Variants in NTRK2 observed in about 807,000 individuals in gnomAD.
The protein encoded by NTRK2 is BDNF/NT-3 growth factors receptor.
Under a neutral mutation model 94.5 loss-of-function variants are expected in NTRK2, and 13 were observed. The ratio of observed to expected loss-of-function variants is 0.14; its 90% CI spans 0.09 to 0.22. The LOEUF (loss-of-function observed/expected upper bound fraction) is 0.22. NTRK2 is among the 10% of genes least tolerant of loss of function. NTRK2 has a pLI of 1.00. For synonymous variants in NTRK2, 372 were observed against 407.4 expected (o/e 0.91, Z 1.05); for missense variants, 639 against 1,071.2 (o/e 0.60, Z 5.63).
chr9:84,690,356 G>C (rs1293296139), intron 2 of NTRK2, among the ~76,000 whole-genome samples: 2 of 152,158 alleles, frequency 1.3e-5, no homozygotes, highest in African/African-American at 4.8e-5. Context: ...GAAATGATTT[G>C]TCCTGACTGG....
chr9:84,755,525 C>CTTTTTTTTTTT lies in NTRK2; in HGVS notation c.1396+3458_1396+3468dup, dbSNP rs745611460. Among the ~76,000 whole-genome samples, 26 of 60,656 alleles carry CTTTTTTTTTTT rather than the reference C, an allele frequency of 4.3e-4. 1 individual carries two copies. The highest frequency in any genetic ancestry group is 1.4e-3 in the African/African-American group (20 of 14,376). The allele number at this position is 60,656 out of a possible 152,430, so 39.8% of individuals were successfully genotyped here. A position where few individuals can be genotyped will look rare whatever the true frequency, so the allele number is the denominator to read the frequency against. On this transcript the variant is annotated intron_variant, in intron 12 of 18. Transcript: ENST00000277120. ...TTCTAAAAGAGACAAAGTCCCACCT[C>CTTTTTTTTTTT]TTTTTTTTTTTTTTTTTTTTTTTTT...
intron 2 of NTRK2, among the ~76,000 whole-genome samples, chr9:84,688,850 A>G (rs1025813529): frequency 4.6e-5 from 7 of 152,192 alleles, no homozygotes; most frequent in Admixed American, 2.0e-4. Flanking sequence ...TGATAGATTA[A>G]TTTTCCATTT....
At chr9:84,878,055 G>A (rs1487458539) in intron 14 of NTRK2, among the ~76,000 whole-genome samples, 1 of 152,166 alleles carries the variant, frequency 6.6e-6, no homozygotes, top group African/African-American at 2.4e-5. Context: ...GCCTCTCTGG[G>A]TTTTCTCGAA....
intron 12 of NTRK2, among the ~76,000 whole-genome samples, chr9:84,775,877 T>G (rs1359404846): frequency 6.6e-6 from 1 of 152,194 alleles, no homozygotes; most frequent in African/African-American, 2.4e-5. Flanking sequence ...TTAATGAAAT[T>G]CTCAGGTGAT....
intron 15 of NTRK2, among the ~76,000 whole-genome samples, chr9:84,940,789 C>T (rs2078382440): frequency 6.6e-6 from 1 of 151,404 alleles, no homozygotes; most frequent in South Asian, 2.1e-4. Context: ...GACTCAAGTG[C>T]TCTACCCAGG....
chr9:85,006,292 G>C (rs1265863350), intron 17 of NTRK2, among the ~76,000 whole-genome samples: 2 of 152,180 alleles, frequency 1.3e-5, no homozygotes, highest in African/African-American at 4.8e-5. Context: ...CCTTACTATA[G>C]TGGTAGGGGT....
At chr9:84,712,892 A>T (rs2061499236) in intron 6 of NTRK2, among the ~76,000 whole-genome samples, 1 of 152,090 alleles carries the variant, frequency 6.6e-6, no homozygotes, top group African/African-American at 2.4e-5. Context: ...CATTTTGCTT[A>T]TTTTCCATTT....
intron 17 of NTRK2, among the ~76,000 whole-genome samples, chr9:84,973,565 T>C (rs1826441037): frequency 6.6e-6 from 1 of 152,136 alleles, no homozygotes. Context: ...CTGACAAACA[T>C]AGTACTCCTG....
chr9:84,937,783 G>T (rs888817401), intron 15 of NTRK2, among the ~76,000 whole-genome samples: 3 of 152,178 alleles, frequency 2.0e-5, no homozygotes, highest in East Asian at 1.9e-4. Context: ...ACGCTTCATC[G>T]CAGTTTCCCT....
rs116897589 is a variant in NTRK2, at chr9:84,831,041, C to T, written c.1397-29999C>T. The stretch of plus-strand genomic sequence containing the variant: ...ATTTGTCATAAATAAACTTTTCCAT[C>T]GCTCTGTAATATTCTATCCTTTGAA... On this transcript the variant is annotated intron_variant, in intron 12 of 18. Transcript: ENST00000277120. Among the ~76,000 whole-genome samples, 57 of 152,274 alleles carry T rather than the reference C, an allele frequency of 3.7e-4. 3 individuals carry two copies. In the East Asian group the frequency reaches 0.01, roughly 27 times the overall value.
intron 14 of NTRK2, 80 bp from the exon 15 acceptor site, chr9:84,934,082 T>C: frequency 6.5e-7 from 1 of 1,536,696 alleles, no homozygotes. Context: ...GAAGCTCAGG[T>C]ACAGGCCACC....
chr9:84,814,982 G>A (rs2072235047), intron 12 of NTRK2: 1 of 1,059,894 alleles, frequency 9.4e-7, no homozygotes. Flanking sequence ...CATAGGGGAA[G>A]ATTAAGGACT....
chr9:84,820,433 G>T (rs1298731137), intron 12 of NTRK2, among the ~76,000 whole-genome samples: 2 of 152,118 alleles, frequency 1.3e-5, no homozygotes, highest in Non-Finnish European at 1.5e-5. Flanking sequence ...GCCTCCCAAA[G>T]TGTTGGAATT....
intron 12 of NTRK2, among the ~76,000 whole-genome samples, chr9:84,853,500 G>T (rs544443813): frequency 6.6e-6 from 1 of 152,242 alleles, no homozygotes; most frequent in East Asian, 1.9e-4. Context: ...AAATATATTT[G>T]CAAAATACAT....
chr9:84,717,647 A>G (rs2061785029), intron 6 of NTRK2, among the ~76,000 whole-genome samples: 1 of 152,256 alleles, frequency 6.6e-6, no homozygotes, highest in African/African-American at 2.4e-5. Flanking sequence ...TAGGATATTT[A>G]GGATGACTGA....
intron 15 of NTRK2, among the ~76,000 whole-genome samples, chr9:84,935,324 C>G (rs2078178951): frequency 6.6e-6 from 1 of 152,152 alleles, no homozygotes; most frequent in South Asian, 2.1e-4. Context: ...TACTGTTATA[C>G]TTAACATTAA....
chr9:84,749,115 C>G (rs553415924), intron 11 of NTRK2, among the ~76,000 whole-genome samples: 4 of 152,068 alleles, frequency 2.6e-5, no homozygotes, highest in African/African-American at 7.2e-5. Context: ...ATAATCCCAG[C>G]TACTAGGGAG....
At chr9:84,948,676 C>T (rs868421089) in intron 16 of NTRK2, 42 bp downstream of exon 16, 1 of 1,598,860 alleles carries the variant, frequency 6.3e-7, no homozygotes. Context: ...GGGAGCAGGC[C>T]TTCAGGGTTC....
intron 17 of NTRK2, among the ~76,000 whole-genome samples, chr9:84,996,189 G>T (rs527847962): frequency 2.0e-5 from 3 of 152,092 alleles, no homozygotes; most frequent in Admixed American, 1.3e-4. Context: ...TATTAACCTC[G>T]GGAAAAAGCC....
Sources: allele counts gnomAD v4.1 joint callset (sites outside exome capture counted in the v4.1 genomes callset), GRCh38; gene constraint gnomAD v4.1.1; transcripts MANE v1.5; gene names NCBI Gene and HGNC (gene_info 2026-07-23, HGNC 2026-07-21).